Variants in EYS observed in about 807,000 individuals in gnomAD.
EYS encodes the protein protein eyes shut homolog.
In EYS, 250 loss-of-function variants were observed where a neutral mutation model predicts 282.1. That is an observed-to-expected ratio of 0.89 (90% CI 0.80 to 0.98). The LOEUF (loss-of-function observed/expected upper bound fraction) is 0.98. Among genes scored for constraint, EYS ranks in the 50% least tolerant of loss-of-function variants. EYS has a pLI of 0.00. For synonymous variants in EYS, 1,355 were observed against 1,282.9 expected (o/e 1.06, Z -1.20); for missense variants, 4,016 against 3,709.0 (o/e 1.08, Z -2.15).
intron 12 of EYS, among the ~76,000 whole-genome samples, chr6:65,163,060 G>T (rs1764889334): frequency 6.6e-6 from 1 of 151,082 alleles, no homozygotes; most frequent in South Asian, 2.1e-4. Flanking sequence ...AGGAGTCTGT[G>T]TCACTGCAGA....
intron 12 of EYS, among the ~76,000 whole-genome samples, chr6:65,128,737 G>T (rs1775786715): frequency 6.6e-6 from 1 of 151,950 alleles, no homozygotes; most frequent in Non-Finnish European, 1.5e-5. Flanking sequence ...TGGCTGAACT[G>T]CCCAAAGCAA....
At chr6:64,502,477 T>C (rs1201281575) in intron 26 of EYS, among the ~76,000 whole-genome samples, 4 of 152,144 alleles carry the variant, frequency 2.6e-5, no homozygotes, top group Non-Finnish European at 4.4e-5. Flanking sequence ...CGCCTCGGCC[T>C]CCCAAAAGTG....
chr6:64,282,917 T>A (rs936832864), intron 30 of EYS, among the ~76,000 whole-genome samples: 2 of 152,190 alleles, frequency 1.3e-5, no homozygotes, highest in African/African-American at 4.8e-5. Context: ...GTTTACCAGA[T>A]GGCAGACAGA....
At chr6:65,039,179 G>C (rs1772857180) in intron 13 of EYS, among the ~76,000 whole-genome samples, 1 of 151,454 alleles carries the variant, frequency 6.6e-6, no homozygotes, top group African/African-American at 2.4e-5. Context: ...TAAAATTAGT[G>C]TCTTTGTGTA....
intron 1 of EYS, among the ~76,000 whole-genome samples, chr6:65,681,509 C>T (rs537316529): frequency 3.5e-4 from 53 of 152,014 alleles, no homozygotes; most frequent in African/African-American, 1.2e-3. Flanking sequence ...TTTTGCTTTA[C>T]GTTAATGATC....
intron 31 of EYS, among the ~76,000 whole-genome samples, chr6:64,171,041 T>C (rs948707818): frequency 3.3e-5 from 5 of 152,302 alleles, no homozygotes; most frequent in Non-Finnish European, 7.3e-5. Flanking sequence ...CTTACTATAT[T>C]GCTTATCCGT....
intron 1 of EYS, among the ~76,000 whole-genome samples, chr6:65,652,663 C>T (rs1767697482): frequency 6.6e-6 from 1 of 151,734 alleles, no homozygotes; most frequent in East Asian, 1.9e-4. Flanking sequence ...AAAAAGAGAA[C>T]ATCAGGAATG....
At chr6:65,481,644 G>A (rs1422454540) in intron 5 of EYS, among the ~76,000 whole-genome samples, 3 of 152,194 alleles carry the variant, frequency 2.0e-5, no homozygotes, top group Non-Finnish European at 4.4e-5. Flanking sequence ...CGCCTCCCGG[G>A]TTCACGCCAT....
intron 22 of EYS, among the ~76,000 whole-genome samples, chr6:64,710,560 C>T (rs763156326): frequency 6.6e-6 from 1 of 152,182 alleles, no homozygotes; most frequent in African/African-American, 2.4e-5. Flanking sequence ...CTGTGGAGTG[C>T]TTTCTCACTT....
intron 40 of EYS, among the ~76,000 whole-genome samples, chr6:63,766,584 G>T (rs959515153): frequency 6.6e-6 from 1 of 152,028 alleles, no homozygotes; most frequent in Non-Finnish European, 1.5e-5. Flanking sequence ...TAGTATGAAA[G>T]AGGAAAAATT....
intron 33 of EYS, among the ~76,000 whole-genome samples, chr6:64,002,740 G>A (rs1768155628): frequency 6.6e-6 from 1 of 152,198 alleles, no homozygotes; most frequent in African/African-American, 2.4e-5. Context: ...GTCCCACTAT[G>A]TTGCCCAGGC....
intron 24 of EYS, among the ~76,000 whole-genome samples, chr6:64,599,680 CA>C (rs1014400534): frequency 2.6e-5 from 4 of 152,008 alleles, no homozygotes; most frequent in African/African-American, 9.7e-5. Context: ...TAAAGAAAAG[CA>C]GTGTTATCCC....
At chr6:65,603,826 A>C (rs1213897841) in intron 2 of EYS, among the ~76,000 whole-genome samples, 3 of 151,824 alleles carry the variant, frequency 2.0e-5, no homozygotes, top group African/African-American at 7.2e-5. Context: ...GCAGGTTATG[A>C]TTGTTTGGGG....
At chr6:64,515,102 T>C (rs929844267) in intron 26 of EYS, among the ~76,000 whole-genome samples, 2 of 151,788 alleles carry the variant, frequency 1.3e-5, no homozygotes, top group Middle Eastern at 3.2e-3. Context: ...CAGTTACTTG[T>C]ACCTTGAAAA....
At chr6:64,367,301 G>A (rs1772212902) in intron 29 of EYS, among the ~76,000 whole-genome samples, 2 of 151,998 alleles carry the variant, frequency 1.3e-5, no homozygotes, top group Admixed American at 6.6e-5. Context: ...TGTGTCTTAA[G>A]GAGATTCATA....
chr6:65,651,281 T>C (rs1265757515), intron 1 of EYS, among the ~76,000 whole-genome samples: 2 of 151,850 alleles, frequency 1.3e-5, no homozygotes, highest in Non-Finnish European at 2.9e-5. Context: ...GAAAAATAAG[T>C]GAAAAAAAAC....
At chr6:64,238,613 G>T (rs1331740773) in intron 30 of EYS, among the ~76,000 whole-genome samples, 1 of 151,998 alleles carries the variant, frequency 6.6e-6, no homozygotes. Flanking sequence ...CCATAGCTAA[G>T]CTCCCACTTA....
chr6:64,071,200 C>A (rs1771561140), intron 32 of EYS, among the ~76,000 whole-genome samples: 1 of 151,950 alleles, frequency 6.6e-6, no homozygotes. Flanking sequence ...AGAAAGGTGT[C>A]TGGAAAAATT....
chr6:64,989,747 C>T (rs1299135994), intron 14 of EYS, among the ~76,000 whole-genome samples: 1 of 140,558 alleles, frequency 7.1e-6, no homozygotes, highest in Non-Finnish European at 1.5e-5. Context: ...TAATTGTATA[C>T]ATTATATATT....
Sources: gnomAD v4.1 joint callset for allele counts (sites outside exome capture counted in the v4.1 genomes callset) on GRCh38, gnomAD v4.1.1 for gene constraint, MANE v1.5 for transcripts, NCBI Gene and HGNC (gene_info 2026-07-23, HGNC 2026-07-21) for gene names.